The following RIPOR1 variants were observed in gnomAD, a reference collection of about 807,000 sequenced individuals.
RIPOR1 encodes RHO family interacting cell polarization regulator 1, also known as rho family-interacting cell polarization regulator 1.
In RIPOR1, 58 loss-of-function variants were observed where a neutral mutation model predicts 116.5. The observed-to-expected ratio is 0.50, with a 90% confidence interval of 0.40 to 0.62. RIPOR1 has a LOEUF of 0.62. Among genes scored for constraint, RIPOR1 ranks in the 20% least tolerant of loss-of-function variants. RIPOR1 has a pLI of 0.00. For missense variants in RIPOR1, 1,372 were observed against 1,586.2 expected, an observed-to-expected ratio of 0.86 and a Z score of 2.29; for synonymous variants, 605 against 650.0, an observed-to-expected ratio of 0.93 and a Z score of 1.05.
At chr16:67,535,903 A>C (rs2050780737) in intron 1 of RIPOR1, among the ~76,000 whole-genome samples, 1 of 152,006 alleles carries the variant, frequency 6.6e-6, no homozygotes, top group Non-Finnish European at 1.5e-5. Flanking sequence ...AGGAGGGGAG[A>C]ATAACATATC....
rs1160782872 is a variant in RIPOR1 at position 67,531,573 on chromosome 16, T to A, written c.-24+2659T>A. The A allele has an allele frequency of 4.4e-6, 2 of 452,484 alleles. No homozygotes were observed. Among genetic ancestry groups the A allele is most frequent in the South Asian group, 3.1e-5 (2 of 64,106 alleles). 28.0% of individuals were successfully genotyped at this position (452,484 alleles called of 1,614,324 possible). Reference sequence around the variant, plus strand: ...AGGAGAGGGACTTGGGGCTGAGTAGTGGGAAGAAGGAATAGGAGCGATGGG... The same window carrying A: ...AGGAGAGGGACTTGGGGCTGAGTAGAGGGAAGAAGGAATAGGAGCGATGGG... On this transcript the variant is annotated intron_variant, in intron 1 of 21. Coordinates refer to ENST00000042381, the MANE Select transcript of RIPOR1 (RefSeq NM_024519.4). This position sits in a 1 kb window ranked among gnomAD's most constrained non-coding sequence, Gnocchi z 4.2.
chr16:67,518,882 T>C (rs559716943), intron 1 of RIPOR1, among the ~76,000 whole-genome samples: 1 of 151,900 alleles, frequency 6.6e-6, no homozygotes, highest in East Asian at 1.9e-4. Context: ...GAAGGAGAGG[T>C]TCCGGACCCA....
intron 2 of RIPOR1, 31 bp from the exon 3 acceptor site, chr16:67,538,641 C>G (rs376326486): frequency 5.7e-5 from 92 of 1,610,702 alleles, no homozygotes; most frequent in Non-Finnish European, 7.1e-5. Context: ...GACTCCTGCT[C>G]TCCTCTTTCT....
At position 67,540,742 on chromosome 16, in the gene RIPOR1, CTGTGAACCCCT is replaced by C. The variant is rs775990086; in HGVS notation, c.801+44_801+54del. 1.3e-6 allele frequency: 2 copies of C among 1,547,592 alleles called. No homozygotes were observed. The highest frequency in any genetic ancestry group is 3.9e-5 in the Admixed American group (2 of 51,006). On this transcript the variant is annotated intron_variant, in intron 10 of 21. Transcript: ENST00000042381. This position sits in a 1 kb window ranked among gnomAD's most constrained non-coding sequence, Gnocchi z 4.7. ...CCCAGGACGGCAGGCCACCATGGCCCTGTGAACCCCTTGTGACCCCCATTACCCTGAGTCCC... is the reference window on the plus strand; with the variant it reads ...CCCAGGACGGCAGGCCACCATGGCCCTGTGACCCCCATTACCCTGAGTCCC...
rs746316620 is a variant in RIPOR1, at chr16:67,543,089, T to C, written c.2303T>C (p.Leu768Pro). ...ACCCCTGCACCCCAGCATTCAGACCTTTGCCTGGCCATGGCTGTCCAGACC... is the reference window on the plus strand; with the variant it reads ...ACCCCTGCACCCCAGCATTCAGACCCTTGCCTGGCCATGGCTGTCCAGACC... ...PPTPAPQHSD[L>P]CLAMAVQTPV... Residue 768 changes from leucine (L) to proline (P), a missense_variant, in exon 13 of 22, where the codon CTT becomes CCT. Leu to Pro is a moderately conservative substitution (Grantham distance 98). Transcript: ENST00000042381. This position sits in a 1 kb window ranked among gnomAD's most constrained non-coding sequence, Gnocchi z 4.7. The C allele has an allele frequency of 3.9e-6, 6 of 1,522,180 alleles. No homozygotes were observed. The South Asian group carries it at 5.3e-5, about 13-fold the overall frequency. 94.3% of individuals were successfully genotyped at this position (1,522,180 alleles called of 1,614,324 possible). A position where few individuals can be genotyped will look rare whatever the true frequency, so the allele number is the denominator to read the frequency against.
At position 67,538,695 on chromosome 16, in the gene RIPOR1, CG is replaced by C. The variant is rs987711522; in HGVS notation, c.132del (p.Pro46HisfsTer36). ...AGGAGTTTCCCGGTCTTCAGCCCGC[CG>C]GGGCCCCCACGGAAGCCCCCCGCGC... ...GPRSFPVFSP[P>X]GPPRKPPALS... On this transcript the variant is annotated frameshift_variant, in exon 3 of 22. Coordinates refer to ENST00000042381, the MANE Select transcript of RIPOR1 (RefSeq NM_024519.4). LOFTEE classifies it high-confidence loss of function. 1 of 1,613,038 alleles carries C rather than the reference CG, an allele frequency of 6.2e-7. No homozygotes were observed. The highest frequency in any genetic ancestry group is 1.7e-5 in the Admixed American group (1 of 59,982).
chr16:67,546,360 T>C lies in RIPOR1; in HGVS notation c.3563-6T>C. On this transcript the variant is annotated splice_polypyrimidine_tract_variant and splice_region_variant and intron_variant, in intron 21 of 21. Coordinates refer to ENST00000042381, the MANE Select transcript of RIPOR1 (RefSeq NM_024519.4). ...CCACCCTTGACCTCATCCTCACTCA[T>C]TACAGGAGAAGAGGGACAGTCTGCC... 6.2e-7 allele frequency: 1 copy of C among 1,613,598 alleles called. No homozygotes were observed. Among genetic ancestry groups the C allele is most frequent in the Non-Finnish European group, 8.5e-7 (1 of 1,179,684 alleles).
At chr16:67,521,680 G>A (rs2050496170) in intron 1 of RIPOR1, among the ~76,000 whole-genome samples, 1 of 152,156 alleles carries the variant, frequency 6.6e-6, no homozygotes, top group African/African-American at 2.4e-5. Context: ...TCCCCCTGGA[G>A]GCCGAGGCTG....
At position 67,537,378 on chromosome 16, in the gene RIPOR1, G is replaced by C; in HGVS notation, c.-23-1046G>C. 1.6e-6 allele frequency: 2 copies of C among 1,230,454 alleles called. No homozygotes were observed. Among genetic ancestry groups the C allele is most frequent in the South Asian group, 7.5e-5 (2 of 26,586 alleles). The allele number at this position is 1,230,454 out of a possible 1,614,324, so 76.2% of individuals were successfully genotyped here. A position where few individuals can be genotyped will look rare whatever the true frequency, so the allele number is the denominator to read the frequency against. On this transcript the variant is annotated intron_variant, in intron 1 of 21. Transcript: ENST00000042381. The surrounding 1 kb of genome is among the most constrained non-coding windows in gnomAD (Gnocchi z 4.6). ...CCCCCGTCGGTCCCCTCCCCGAGGGGAACCCCAGTCACCGGTCCCGCCCCA... is the reference window on the plus strand; with the variant it reads ...CCCCCGTCGGTCCCCTCCCCGAGGGCAACCCCAGTCACCGGTCCCGCCCCA...
rs1234419969 is a variant in RIPOR1, at chr16:67,543,276, T to C, written c.2478+12T>C. ...AAAGTCTGCTCATGGTGAGGAGGGC[T>C]GGGCTGGGCTAGGGCAACCAGGGAG... On this transcript the variant is annotated intron_variant, in intron 13 of 21. Coordinates refer to ENST00000042381, the MANE Select transcript of RIPOR1 (RefSeq NM_024519.4). This position sits in a 1 kb window ranked among gnomAD's most constrained non-coding sequence, Gnocchi z 4.7. The C allele has an allele frequency of 6.2e-7, 1 of 1,602,856 alleles. No homozygotes were observed. The highest frequency in any genetic ancestry group is 8.5e-7 in the Non-Finnish European group (1 of 1,175,262).
At position 67,530,355 on chromosome 16, in the gene RIPOR1, G is replaced by GT. The variant is rs2050626427; in HGVS notation, c.-24+1442dup. On this transcript the variant is annotated intron_variant, in intron 1 of 21. Transcript: ENST00000042381. This position sits in a 1 kb window ranked among gnomAD's most constrained non-coding sequence, Gnocchi z 4.5. ...CCGACAGCCTCCGCCCGGTTCCGGGGTGGGGGGTCCGGGGCTGTGCCGCTC... is the reference window on the plus strand; with the variant it reads ...CCGACAGCCTCCGCCCGGTTCCGGGGTTGGGGGGTCCGGGGCTGTGCCGCTC... Among the ~76,000 whole-genome samples, 4 of 152,248 alleles carry GT rather than the reference G, an allele frequency of 2.6e-5. No homozygotes were observed. In the South Asian group the frequency reaches 8.3e-4, roughly 31 times the overall value.
rs2050922855 is a variant in RIPOR1, at chr16:67,539,912, C to G, written c.414+13C>G. On this transcript the variant is annotated intron_variant, in intron 6 of 21. Transcript: ENST00000042381. ...CCATGCCAGCAAGGTACGAGTGCAG[C>G]ATGTGTGCAGAGTGGGGTGGGGGGT... 1 of 1,614,034 alleles carries G rather than the reference C, an allele frequency of 6.2e-7. No homozygotes were observed. Among genetic ancestry groups the G allele is most frequent in the African/African-American group, 1.3e-5 (1 of 74,908 alleles).
At chr16:67,532,963 G>A (rs1045212362) in intron 1 of RIPOR1, among the ~76,000 whole-genome samples, 3 of 152,184 alleles carry the variant, frequency 2.0e-5, no homozygotes, top group Admixed American at 1.3e-4. Context: ...TGTAGGGCTC[G>A]AGGGGAGAGT....
rs1302823738 is a variant in RIPOR1, at chr16:67,545,233, G to C, written c.3031+116G>C. ...ACTGGGCACCGAGGAGACCAGCAAA[G>C]ACTTGGGCCTTAGAGCAGAAGGACC... On this transcript the variant is annotated intron_variant, in intron 17 of 21. Transcript: ENST00000042381. The surrounding 1 kb of genome is among the most constrained non-coding windows in gnomAD (Gnocchi z 4.8). 1 of 1,530,884 alleles carries C rather than the reference G, an allele frequency of 6.5e-7. No homozygotes were observed. Among genetic ancestry groups the C allele is most frequent in the African/African-American group, 1.4e-5 (1 of 73,344 alleles). 94.8% of individuals were successfully genotyped at this position (1,530,884 alleles called of 1,614,324 possible).
Position 67,545,465 on chromosome 16 carries a change from T to G in RIPOR1, c.3121T>G (p.Phe1041Val). Residue 1041 changes from phenylalanine to valine, a missense_variant, in exon 18 of 22, where the codon TTC becomes GTC. Phe to Val is a conservative substitution (Grantham distance 50). Coordinates refer to ENST00000042381, the MANE Select transcript of RIPOR1 (RefSeq NM_024519.4). This position sits in a 1 kb window ranked among gnomAD's most constrained non-coding sequence, Gnocchi z 4.8. ...GPGEQLTVFQFWSFVETLDSP... is the reference protein window; with the variant it reads ...GPGEQLTVFQVWSFVETLDSP... ...TGGAGAGCAGCTCACAGTCTTCCAGTTCTGGAGTTTTGTGGAAACCTTGGA... is the reference window on the plus strand; with the variant it reads ...TGGAGAGCAGCTCACAGTCTTCCAGGTCTGGAGTTTTGTGGAAACCTTGGA... 6.2e-7 allele frequency: 1 copy of G among 1,613,974 alleles called. No homozygotes were observed. Among genetic ancestry groups the G allele is most frequent in the Non-Finnish European group, 8.5e-7 (1 of 1,180,016 alleles).
In RIPOR1 at chr16:67,540,532, G is replaced by T; in HGVS notation, c.675+31G>T. On this transcript the variant is annotated intron_variant, in intron 9 of 21. Coordinates refer to ENST00000042381, the MANE Select transcript of RIPOR1 (RefSeq NM_024519.4). This position sits in a 1 kb window ranked among gnomAD's most constrained non-coding sequence, Gnocchi z 4.7. Reference sequence around the variant, plus strand: ...AGAATGTGCAGGGAAGGGCTGGGTCGGTAGGGTCCCAACACCTAGGCTGCC... The same window carrying T: ...AGAATGTGCAGGGAAGGGCTGGGTCTGTAGGGTCCCAACACCTAGGCTGCC... 6 of 1,614,110 alleles carry T rather than the reference G, an allele frequency of 3.7e-6. No individual in the cohort carries two copies. In the South Asian group the frequency reaches 6.6e-5, roughly 18 times the overall value.
rs2050975098 is a variant in RIPOR1 at position 67,541,326 on chromosome 16, T to G, written c.802-104T>G. ...CTTAAGTGATCCTCCTGCCTCAGCC[T>G]CCCATGACCATTTTATAAGTTCTAT... is the stretch of plus-strand genomic sequence containing the variant. On this transcript the variant is annotated intron_variant, in intron 10 of 21. Coordinates refer to ENST00000042381, the MANE Select transcript of RIPOR1 (RefSeq NM_024519.4). This position sits in a 1 kb window ranked among gnomAD's most constrained non-coding sequence, Gnocchi z 4.6. 10 of 1,328,598 alleles carry G rather than the reference T, an allele frequency of 7.5e-6. No individual in the cohort carries two copies. The East Asian group carries it at 2.4e-4, about 32-fold the overall frequency. The allele number at this position is 1,328,598 out of a possible 1,614,324, so 82.3% of individuals were successfully genotyped here. A position where few individuals can be genotyped will look rare whatever the true frequency, so the allele number is the denominator to read the frequency against.
chr16:67,534,870 T>C (rs1484881988), intron 1 of RIPOR1, among the ~76,000 whole-genome samples: 2 of 119,872 alleles, frequency 1.7e-5, no homozygotes, highest in African/African-American at 6.5e-5. Context: ...TGAGACAGAC[T>C]CCCGCTCTGT....
chr16:67,538,414 T>G lies in RIPOR1; in HGVS notation c.-23-10T>G. 3 of 1,564,704 alleles carry G rather than the reference T, an allele frequency of 1.9e-6. No individual in the cohort carries two copies. Among genetic ancestry groups the G allele is most frequent in the Non-Finnish European group, 2.6e-6 (3 of 1,154,684 alleles). On this transcript the variant is annotated splice_polypyrimidine_tract_variant and intron_variant, in intron 1 of 21. Transcript: ENST00000042381. ...CGACTGGTACTGGACACCCCCCCGA[T>G]CACCCGCAGGGAGCCCCGCGCGGAC...
Sources: allele counts gnomAD v4.1 joint callset (sites outside exome capture counted in the v4.1 genomes callset), GRCh38; gene constraint gnomAD v4.1.1; non-coding constraint Gnocchi (gnomAD v3.1); transcripts MANE v1.5; gene names NCBI Gene and HGNC (gene_info 2026-07-23, HGNC 2026-07-21).